COL5A1: variants seen among roughly 807,000 people sequenced by gnomAD.
COL5A1 encodes collagen type V alpha 1 chain.
A neutral mutation model predicts 263.7 loss-of-function variants in COL5A1; 16 were observed. That is an observed-to-expected ratio of 0.06 (90% CI 0.04 to 0.09). COL5A1 has a LOEUF of 0.09. COL5A1 is among the 10% of genes least tolerant of loss of function. COL5A1 has a pLI of 1.00. For synonymous variants in COL5A1, 1,012 were observed against 1,004.5 expected, an observed-to-expected ratio of 1.01 and a Z score of -0.14; for missense variants, 2,036 against 2,540.5, an observed-to-expected ratio of 0.80 and a Z score of 4.27.
intron 11 of COL5A1, among the ~76,000 whole-genome samples, chr9:134,748,647 C>T (rs961818985): frequency 2.6e-5 from 4 of 152,162 alleles, no homozygotes; most frequent in Admixed American, 2.0e-4. Flanking sequence ...TCCAAAATGG[C>T]AGTTGGGAGC....
chr9:134,832,584 G>GC (rs2132917222), intron 64 of COL5A1, among the ~76,000 whole-genome samples: 1 of 152,288 alleles, frequency 6.6e-6, no homozygotes, highest in African/African-American at 2.4e-5. Flanking sequence ...CCCCCCTGCT[G>GC]CCCCATGGGC....
chr9:134,772,612 G>T lies in COL5A1; in HGVS notation c.2287-178G>T, dbSNP rs555372000. On this transcript the variant is annotated intron_variant, in intron 25 of 65. Transcript: ENST00000371817. ...CGAGGTTCAGGGCCTGGCGGCTCGG[G>T]GAGGCCGGGCTGTGCTTGGCTGCCT... Among the ~76,000 whole-genome samples the T allele has an allele frequency of 4.5e-4, 69 of 152,368 alleles. No homozygotes were observed. The South Asian group carries it at 0.014, about 30-fold the overall frequency.
At position 134,682,345 on chromosome 9, in the gene COL5A1, G is replaced by A. The variant is rs536645121; in HGVS notation, c.110-8567G>A. ...TGTACCTGTGTCACCCAAGAGCTGC[G>A]GCTTCCTTTAGCCACCACAGCGGGC... On this transcript the variant is annotated intron_variant, in intron 1 of 65. Coordinates refer to ENST00000371817, the MANE Select transcript of COL5A1 (RefSeq NM_000093.5). The surrounding 1 kb of genome is among the most constrained non-coding windows in gnomAD (Gnocchi z 5.1). Among the ~76,000 whole-genome samples, 8 of 152,282 alleles carry A rather than the reference G, an allele frequency of 5.3e-5. No individual in the cohort carries two copies. In the South Asian group the frequency reaches 1.0e-3, roughly 20 times the overall value.
At position 134,642,263 on chromosome 9, in the gene COL5A1, C is replaced by A; in HGVS notation, c.76C>A (p.Leu26Met). 1 of 1,239,942 alleles carries A rather than the reference C, an allele frequency of 8.1e-7. No homozygotes were observed. Among genetic ancestry groups the A allele is most frequent in the Non-Finnish European group, 1.0e-6 (1 of 985,098 alleles). The allele number at this position is 1,239,942 out of a possible 1,614,324, so 76.8% of individuals were successfully genotyped here. Residue 26 changes from leucine (L) to methionine (M), a missense_variant, in exon 1 of 66, where the codon CTG becomes ATG. Leu to Met is a conservative substitution (Grantham distance 15). Coordinates refer to ENST00000371817, the MANE Select transcript of COL5A1 (RefSeq NM_000093.5). The surrounding 1 kb of genome is among the most constrained non-coding windows in gnomAD (Gnocchi z 4.5). ...GAPLLPPLLL[L>M]LLWAPPPSRA... ...CCCGCTGCTGCCCCCGCTGCTGCTGCTGCTGCTGTGGGCGCCGCCTCCGAG... is the reference window on the plus strand; with the variant it reads ...CCCGCTGCTGCCCCCGCTGCTGCTGATGCTGCTGTGGGCGCCGCCTCCGAG...
At chr9:134,772,921 C>A in intron 26 of COL5A1, 87 bp downstream of exon 26, 2 of 1,387,900 alleles carry the variant, frequency 1.4e-6, no homozygotes, top group South Asian at 1.2e-5. Context: ...TCAGGGACAT[C>A]CAGCTTGGAA....
intron 1 of COL5A1, among the ~76,000 whole-genome samples, chr9:134,648,739 G>A (rs1394107503): frequency 6.6e-6 from 1 of 152,224 alleles, no homozygotes; most frequent in Non-Finnish European, 1.5e-5. Context: ...CCTGTGTGGT[G>A]TCACACTGCT....
rs573902506 is a variant in COL5A1 at position 134,698,863 on chromosome 9, C to T, written c.278-1046C>T. Reference sequence around the variant, plus strand: ...TTCACGATGGCTCAAGCCCACCCACCAGATCCCAGCCCTCCGTAGTGGTGC... The same window carrying T: ...TTCACGATGGCTCAAGCCCACCCACTAGATCCCAGCCCTCCGTAGTGGTGC... On this transcript the variant is annotated intron_variant, in intron 2 of 65. Coordinates refer to ENST00000371817, the MANE Select transcript of COL5A1 (RefSeq NM_000093.5). Among the ~76,000 whole-genome samples the T allele has an allele frequency of 3.3e-5, 5 of 152,376 alleles. No homozygotes were observed. The East Asian group carries it at 7.7e-4, about 24-fold the overall frequency.
intron 2 of COL5A1, among the ~76,000 whole-genome samples, chr9:134,693,624 T>C (rs1049217603): frequency 1.3e-5 from 2 of 152,116 alleles, no homozygotes; most frequent in African/African-American, 4.8e-5. Context: ...CAAGGGACAC[T>C]GTTGGAGACC....
chr9:134,816,919 C>A, intron 52 of COL5A1, 107 bp from the exon 53 acceptor site: 2 of 1,033,136 alleles, frequency 1.9e-6, no homozygotes, highest in Non-Finnish European at 3.0e-6. Flanking sequence ...GAGAGGCGGC[C>A]GCAGGGCTGG....
chr9:134,745,487 C>T (rs185895417), intron 11 of COL5A1, among the ~76,000 whole-genome samples: 21 of 152,202 alleles, frequency 1.4e-4, no homozygotes, highest in Admixed American at 3.9e-4. Context: ...CCCAGAGCCC[C>T]GATTATTGGT....
chr9:134,804,907 C>T lies in COL5A1; in HGVS notation c.3115-68C>T, dbSNP rs1343848283. On this transcript the variant is annotated intron_variant, in intron 39 of 65. Coordinates refer to ENST00000371817, the MANE Select transcript of COL5A1 (RefSeq NM_000093.5). ...GAGAGAAGGCCCCAGCCCTTGGCTT[C>T]GCTCTGGGGCTGGTGAGAGGTCTGC... 3.0e-5 allele frequency: 42 copies of T among 1,383,192 alleles called. No individual in the cohort carries two copies. In the East Asian group the frequency reaches 6.9e-4, roughly 23 times the overall value. The allele number at this position is 1,383,192 out of a possible 1,614,324, so 85.7% of individuals were successfully genotyped here.
Position 134,818,958 on chromosome 9 carries a change from C to T in COL5A1, c.4393-42C>T. 6.2e-7 allele frequency: 1 copy of T among 1,613,098 alleles called. No individual in the cohort carries two copies. The highest frequency in any genetic ancestry group is 8.5e-7 in the Non-Finnish European group (1 of 1,179,726). On this transcript the variant is annotated intron_variant, in intron 56 of 65. Transcript: ENST00000371817. This position sits in a 1 kb window ranked among gnomAD's most constrained non-coding sequence, Gnocchi z 6.0. ...GGTGGGATGACTTCGCCACCCAAAGCCCCAAGGATGAGGACTCTGATCCCC... is the reference window on the plus strand; with the variant it reads ...GGTGGGATGACTTCGCCACCCAAAGTCCCAAGGATGAGGACTCTGATCCCC...
chr9:134,760,793 C>T (rs934626407), intron 18 of COL5A1, among the ~76,000 whole-genome samples: 13 of 146,508 alleles, frequency 8.9e-5, no homozygotes, highest in African/African-American at 1.8e-4. Flanking sequence ...TGCACACACA[C>T]GCATACACCC....
intron 11 of COL5A1, among the ~76,000 whole-genome samples, chr9:134,747,023 T>C (rs1360316317): frequency 1.3e-5 from 2 of 152,240 alleles, no homozygotes; most frequent in Admixed American, 1.3e-4. Flanking sequence ...ACCACAGGGC[T>C]TGGCAAAGGC....
intron 22 of COL5A1, among the ~76,000 whole-genome samples, 164 bp from the exon 23 acceptor site, chr9:134,766,836 G>T (rs1335505238): frequency 1.3e-5 from 2 of 152,188 alleles, no homozygotes; most frequent in Admixed American, 1.3e-4. Context: ...GAGTCCTGGG[G>T]CTGCTCTCTG....
Position 134,766,474 on chromosome 9 carries a change from C to T in COL5A1, c.2109C>T (p.Gly703=), listed in dbSNP as rs773522047. The part of the protein sequence containing the change: ...PGPPGVTGMD[G]QPGPKGNVGP... ...CACAGGGTGTCACGGGTATGGACGG[C>T]CAGCCGGGGCCAAAAGGAAATGTGG... The change falls in exon 22 of 66, where the codon GGC becomes GGT. Residue 703 remains glycine (G), a synonymous_variant. Transcript: ENST00000371817. The T allele has an allele frequency of 1.9e-6, 3 of 1,614,182 alleles. No individual in the cohort carries two copies. The Admixed American group carries it at 5.0e-5, about 27-fold the overall frequency.
At chr9:134,737,315 G>A (rs972023364) in intron 9 of COL5A1, among the ~76,000 whole-genome samples, 2 of 152,226 alleles carry the variant, frequency 1.3e-5, no homozygotes, top group Non-Finnish European at 2.9e-5. Context: ...AGCTGAGCCA[G>A]AGCTGCCCCT....
At chr9:134,784,556 G>T (rs1042631998) in intron 29 of COL5A1, among the ~76,000 whole-genome samples, 16 of 152,236 alleles carry the variant, frequency 1.1e-4, no homozygotes, top group African/African-American at 3.1e-4. Context: ...CCCATCCGGG[G>T]CTGGGGTCCA....
At chr9:134,819,264 C>T (rs1055447769) in intron 57 of COL5A1, among the ~76,000 whole-genome samples, 10 of 152,132 alleles carry the variant, frequency 6.6e-5, no homozygotes, top group African/African-American at 2.2e-4. Flanking sequence ...CTGAGCAGCT[C>T]GGGAGATCCC....
Sources: gnomAD v4.1 joint callset for allele counts (sites outside exome capture counted in the v4.1 genomes callset) on GRCh38, gnomAD v4.1.1 for gene constraint, Gnocchi (gnomAD v3.1) non-coding constraint, MANE v1.5 for transcripts, NCBI Gene and HGNC (gene_info 2026-07-23, HGNC 2026-07-21) for gene names.